The following KCTD8 variants were observed in gnomAD, a reference collection of about 807,000 sequenced individuals.
KCTD8 encodes the protein BTB/POZ domain-containing protein KCTD8.
A neutral mutation model predicts 31.5 loss-of-function variants in KCTD8; 27 were observed. The ratio of observed to expected loss-of-function variants is 0.86; its 90% CI spans 0.63 to 1.18. KCTD8 has a LOEUF of 1.18. KCTD8 is among the 50% of genes most tolerant of loss of function. The probability of loss-of-function intolerance (pLI) is 0.00; values close to 1 mark genes in which losing one functional copy is unlikely to be tolerated. For missense variants in KCTD8, 658 were observed against 647.7 expected (o/e 1.02, Z -0.17); for synonymous variants, 290 against 280.0 (o/e 1.04, Z -0.36).
intron 1 of KCTD8, among the ~76,000 whole-genome samples, chr4:44,333,493 G>A (rs1205752546): frequency 6.6e-6 from 1 of 152,106 alleles, no homozygotes; most frequent in African/African-American, 2.4e-5. Flanking sequence ...GCAGAGCTGA[G>A]CACAAGCTGG....
chr4:44,183,097 G>A (rs972268365), intron 1 of KCTD8, among the ~76,000 whole-genome samples: 3 of 152,130 alleles, frequency 2.0e-5, no homozygotes, highest in Admixed American at 6.5e-5. Flanking sequence ...GGGTCTGCAC[G>A]TAACACCTAT....
chr4:44,335,062 T>C (rs73815017), intron 1 of KCTD8, among the ~76,000 whole-genome samples: 4,466 of 152,232 alleles, frequency 0.029, 231 homozygotes, highest in African/African-American at 0.1. Flanking sequence ...GATTTGATTC[T>C]GGCAAAACGT....
chr4:44,174,246 T>C lies in KCTD8; in HGVS notation c.*544A>G, dbSNP rs1325215343. On this transcript the variant is annotated 3_prime_UTR_variant, in exon 2 of 2. Coordinates refer to ENST00000360029, the MANE Select transcript of KCTD8 (RefSeq NM_198353.3). ...ATTTTTTTTTGCTTTTTTTTGTAATTTTTTTCTTTCCAAGCAACAAACAGA... is the reference window on the plus strand; with the variant it reads ...ATTTTTTTTTGCTTTTTTTTGTAATCTTTTTCTTTCCAAGCAACAAACAGA... 6.6e-6 allele frequency: 1 copy of C among 152,608 alleles called. No homozygotes were observed. The highest frequency in any genetic ancestry group is 1.5e-5 in the Non-Finnish European group (1 of 68,036). The allele number at this position is 152,608 out of a possible 1,614,324, so 9.5% of individuals were successfully genotyped here.
At chr4:44,248,747 G>C (rs1715738678) in intron 1 of KCTD8, among the ~76,000 whole-genome samples, 1 of 151,790 alleles carries the variant, frequency 6.6e-6, no homozygotes, top group South Asian at 2.1e-4. Flanking sequence ...GCCCCTCAAT[G>C]TTCTTTGGGA....
At chr4:44,264,979 A>C (rs2109367688) in intron 1 of KCTD8, among the ~76,000 whole-genome samples, 2 of 152,282 alleles carry the variant, frequency 1.3e-5, no homozygotes, top group South Asian at 4.1e-4. Context: ...GACAAACAAA[A>C]AGATAGGAGT....
chr4:44,434,810 G>A (rs16856923), intron 1 of KCTD8, among the ~76,000 whole-genome samples: 3 of 151,758 alleles, frequency 2.0e-5, no homozygotes, highest in Non-Finnish European at 2.9e-5. Flanking sequence ...TGAAATTATC[G>A]CCCTTAACTC....
At chr4:44,338,291 G>T (rs1033876250) in intron 1 of KCTD8, among the ~76,000 whole-genome samples, 4 of 152,042 alleles carry the variant, frequency 2.6e-5, no homozygotes, top group African/African-American at 9.7e-5. Flanking sequence ...ATTAAAAATA[G>T]TCTGACTTGG....
intron 1 of KCTD8, among the ~76,000 whole-genome samples, chr4:44,279,209 C>T (rs984851390): frequency 6.6e-6 from 1 of 152,086 alleles, no homozygotes; most frequent in Non-Finnish European, 1.5e-5. Flanking sequence ...CATTTATTAT[C>T]TCACAGTTTC....
Position 44,316,795 on chromosome 4 carries a change from G to GAAAAAAAAAAAAA in KCTD8, c.961+130755_961+130767dup, listed in dbSNP as rs71188270. On this transcript the variant is annotated intron_variant, in intron 1 of 1. Transcript: ENST00000360029. Reference sequence around the variant, plus strand: ...GAAACCCCATCTCTACTAAAAATACGAAAAAAAAAAAAAAAAAAAAAAAAA... The same window carrying GAAAAAAAAAAAAA: ...GAAACCCCATCTCTACTAAAAATACGAAAAAAAAAAAAAAAAAAAAAAAAAAAAAAAAAAAAAA... 7.4e-5 allele frequency among the ~76,000 whole-genome samples: 3 copies of GAAAAAAAAAAAAA among 40,358 alleles called. 1 individual carries two copies. The highest frequency in any genetic ancestry group is 1.2e-3 in the East Asian group (2 of 1,614). 26.5% of individuals were successfully genotyped at this position (40,358 alleles called of 152,430 possible). A position where few individuals can be genotyped will look rare whatever the true frequency, so the allele number is the denominator to read the frequency against.
intron 1 of KCTD8, among the ~76,000 whole-genome samples, chr4:44,326,378 AC>A (rs1261337144): frequency 1.3e-5 from 2 of 151,734 alleles, no homozygotes; most frequent in African/African-American, 4.9e-5. Flanking sequence ...TCTATTTTGT[AC>A]CGTGTACTTT....
chr4:44,284,081 C>T lies in KCTD8; in HGVS notation c.962-108831G>A, dbSNP rs1381067831. On this transcript the variant is annotated intron_variant, in intron 1 of 1. Transcript: ENST00000360029. Reference sequence around the variant, plus strand: ...AGTAATTTATAGATTCAATGCTATCCCCATCAAGCTACAACTGACTTTCTT... The same window carrying T: ...AGTAATTTATAGATTCAATGCTATCTCCATCAAGCTACAACTGACTTTCTT... 3.9e-5 allele frequency among the ~76,000 whole-genome samples: 6 copies of T among 152,078 alleles called. No homozygotes were observed. The East Asian group carries it at 5.8e-4, about 15-fold the overall frequency.
intron 1 of KCTD8, among the ~76,000 whole-genome samples, chr4:44,180,053 T>A (rs1713333405): frequency 6.6e-6 from 1 of 152,194 alleles, no homozygotes; most frequent in Non-Finnish European, 1.5e-5. Flanking sequence ...TATCACCAAC[T>A]AGTGAATATA....
intron 1 of KCTD8, among the ~76,000 whole-genome samples, chr4:44,392,190 T>C (rs894796718): frequency 1.3e-5 from 2 of 152,036 alleles, no homozygotes; most frequent in Non-Finnish European, 1.5e-5. Flanking sequence ...TACTTTCCGA[T>C]AAACACTGAA....
At chr4:44,273,055 G>GC (rs1716657693) in intron 1 of KCTD8, among the ~76,000 whole-genome samples, 2 of 151,790 alleles carry the variant, frequency 1.3e-5, no homozygotes, top group African/African-American at 4.8e-5. Flanking sequence ...AACAAGATTG[G>GC]AAAATGGAAG....
intron 1 of KCTD8, among the ~76,000 whole-genome samples, chr4:44,353,272 G>C (rs1439454800): frequency 6.6e-6 from 1 of 151,922 alleles, no homozygotes; most frequent in Non-Finnish European, 1.5e-5. Context: ...CATCACTGTA[G>C]TTGTGTGTAT....
At chr4:44,292,074 T>G (rs1717297492) in intron 1 of KCTD8, among the ~76,000 whole-genome samples, 1 of 151,708 alleles carries the variant, frequency 6.6e-6, no homozygotes, top group African/African-American at 2.4e-5. Context: ...AGTACGCAGA[T>G]TTAGTGAAGA....
chr4:44,259,011 C>G (rs1177829348), intron 1 of KCTD8, among the ~76,000 whole-genome samples: 1 of 151,814 alleles, frequency 6.6e-6, no homozygotes, highest in Non-Finnish European at 1.5e-5. Context: ...CATTTAGGGT[C>G]AATAATTTCT....
At chr4:44,191,251 T>C (rs1173503638) in intron 1 of KCTD8, among the ~76,000 whole-genome samples, 1 of 152,240 alleles carries the variant, frequency 6.6e-6, no homozygotes, top group Non-Finnish European at 1.5e-5. Flanking sequence ...TTAATCCTGT[T>C]ATCTTTGTAA....
At chr4:44,436,095 G>A (rs1721636294) in intron 1 of KCTD8, among the ~76,000 whole-genome samples, 2 of 152,052 alleles carry the variant, frequency 1.3e-5, no homozygotes, top group South Asian at 4.1e-4. Flanking sequence ...ACAATGGAGG[G>A]ATTTGACTGA....
Sources: allele counts gnomAD v4.1 joint callset (sites outside exome capture counted in the v4.1 genomes callset), GRCh38; gene constraint gnomAD v4.1.1; transcripts MANE v1.5; gene names NCBI Gene and HGNC (gene_info 2026-07-23, HGNC 2026-07-21).